Variants in NRG1 observed in about 807,000 individuals in gnomAD.
NRG1 encodes neuregulin 1, also known as pro-neuregulin-1, membrane-bound isoform.
In NRG1, 18 loss-of-function variants were observed where a neutral mutation model predicts 63.8. The ratio of observed to expected loss-of-function variants is 0.28; its 90% CI spans 0.19 to 0.42. The LOEUF (loss-of-function observed/expected upper bound fraction) is 0.42. Among genes scored for constraint, NRG1 ranks in the 10% least tolerant of loss-of-function variants. NRG1 has a pLI of 1.00. For missense variants in NRG1, 762 were observed against 814.7 expected (o/e 0.94, Z 0.79); for synonymous variants, 302 against 301.3 (o/e 1.00, Z -0.02).
At chr8:31,708,948 G>A (rs1224306786) in intron 1 of NRG1, among the ~76,000 whole-genome samples, 1 of 152,106 alleles carries the variant, frequency 6.6e-6, no homozygotes, top group African/African-American at 2.4e-5. Flanking sequence ...TTGACTGGAA[G>A]CCATACTGAT....
chr8:32,068,534 CTGGAGGAG>C (rs1374158011), intron 1 of NRG1, among the ~76,000 whole-genome samples: 1 of 152,102 alleles, frequency 6.6e-6, no homozygotes, highest in African/African-American at 2.4e-5. Context: ...AGCGGAGGGA[CTGGAGGAG>C]TGGAGGAGAG....
At chr8:31,648,456 A>C (rs1041178056) in intron 1 of NRG1, among the ~76,000 whole-genome samples, 9 of 152,096 alleles carry the variant, frequency 5.9e-5, no homozygotes, top group African/African-American at 2.2e-4. Context: ...TGTAGAGTTC[A>C]GCAGTATTCA....
intron 1 of NRG1, among the ~76,000 whole-genome samples, chr8:32,280,267 GCA>G (rs2129473130): frequency 6.6e-6 from 1 of 152,306 alleles, no homozygotes; most frequent in South Asian, 2.1e-4. Context: ...GAATACGCAC[GCA>G]CACTTTCTAA....
At chr8:31,999,549 G>A (rs865851415) in intron 1 of NRG1, among the ~76,000 whole-genome samples, 6 of 151,886 alleles carry the variant, frequency 4.0e-5, no homozygotes, top group African/African-American at 1.5e-4. Flanking sequence ...GAGGGATTGT[G>A]GCCTGTATGT....
intron 1 of NRG1, among the ~76,000 whole-genome samples, chr8:31,789,853 G>T (rs376145536): frequency 6.6e-6 from 1 of 151,996 alleles, no homozygotes; most frequent in Non-Finnish European, 1.5e-5. Context: ...TTCTTTATTA[G>T]CAAATCAACA....
At chr8:32,509,119 T>C (rs1401350520) in intron 1 of NRG1, among the ~76,000 whole-genome samples, 1 of 149,728 alleles carries the variant, frequency 6.7e-6, no homozygotes, top group Non-Finnish European at 1.5e-5. Context: ...ATTTTATTTT[T>C]TGCGACAGGG....
intron 1 of NRG1, among the ~76,000 whole-genome samples, chr8:32,254,885 T>G (rs561958947): frequency 6.6e-6 from 1 of 152,026 alleles, no homozygotes; most frequent in Admixed American, 6.6e-5. Flanking sequence ...GCTCCTTGTA[T>G]TTGGATGTGT....
At chr8:32,239,408 G>A (rs1586307412) in intron 1 of NRG1, among the ~76,000 whole-genome samples, 1 of 151,336 alleles carries the variant, frequency 6.6e-6, no homozygotes, top group South Asian at 2.1e-4. Flanking sequence ...AAAATGTTAA[G>A]CAATAAAACT....
chr8:32,466,083 G>A (rs1186708888), intron 1 of NRG1, among the ~76,000 whole-genome samples: 3 of 152,052 alleles, frequency 2.0e-5, no homozygotes, highest in Non-Finnish European at 2.9e-5. Context: ...TGGGCTGATC[G>A]CTTGAGCTCA....
At chr8:32,539,024 G>A (rs990002652) in intron 1 of NRG1, among the ~76,000 whole-genome samples, 63 of 152,250 alleles carry the variant, frequency 4.1e-4, no homozygotes, top group African/African-American at 1.4e-3. Context: ...AAAAGGAGAA[G>A]AAAATTCCAA....
chr8:32,016,711 C>T (rs1348233519), intron 1 of NRG1, among the ~76,000 whole-genome samples: 1 of 152,034 alleles, frequency 6.6e-6, no homozygotes, highest in African/African-American at 2.4e-5. Flanking sequence ...CATTTCCATT[C>T]CCAATTTAAA....
At position 31,854,162 on chromosome 8, in the gene NRG1, G is replaced by A. The variant is rs866004460; in HGVS notation, c.37+214731G>A. Reference sequence around the variant, plus strand: ...AGAGAGGATTCCCTCTTTTTCTATTGATTGGAATAGTTTCAGAAGGAATGG... The same window carrying A: ...AGAGAGGATTCCCTCTTTTTCTATTAATTGGAATAGTTTCAGAAGGAATGG... On this transcript the variant is annotated intron_variant, in intron 1 of 10. Coordinates refer to the NRG1 transcript ENST00000519301. 9.4e-4 allele frequency among the ~76,000 whole-genome samples: 143 copies of A among 151,906 alleles called. No homozygotes were observed. In the Middle Eastern group the frequency reaches 0.014, roughly 14 times the overall value.
At chr8:31,918,239 T>A (rs1833584066) in intron 1 of NRG1, among the ~76,000 whole-genome samples, 1 of 152,352 alleles carries the variant, frequency 6.6e-6, no homozygotes, top group Admixed American at 6.5e-5. Context: ...CAACAGTATG[T>A]TGAATAGTAG....
chr8:31,787,762 C>T lies in NRG1; in HGVS notation c.37+148331C>T, dbSNP rs372361107. Among the ~76,000 whole-genome samples, 9 of 152,266 alleles carry T rather than the reference C, an allele frequency of 5.9e-5. No homozygotes were observed. The South Asian group carries it at 1.5e-3, about 25-fold the overall frequency. ...GTACTTCTCTTGTTCAGGGCAGTCA[C>T]TTGTTTTAAGTAACATGTTTATCTT... On this transcript the variant is annotated intron_variant, in intron 1 of 10. Transcript: ENST00000519301.
intron 1 of NRG1, among the ~76,000 whole-genome samples, chr8:31,956,865 C>A (rs1189886407): frequency 6.6e-6 from 1 of 152,156 alleles, no homozygotes; most frequent in Admixed American, 6.5e-5. Flanking sequence ...ATCTGACATT[C>A]AAAACCCATA....
chr8:32,041,840 G>T (rs1288958021), intron 1 of NRG1, among the ~76,000 whole-genome samples: 1 of 152,152 alleles, frequency 6.6e-6, no homozygotes, highest in Non-Finnish European at 1.5e-5. Context: ...AAAACCTCAG[G>T]AGACCAACCT....
intron 1 of NRG1, among the ~76,000 whole-genome samples, chr8:32,401,180 T>C (rs1587389046): frequency 1.3e-5 from 2 of 152,158 alleles, no homozygotes; most frequent in African/African-American, 2.4e-5. Flanking sequence ...TCAGAAAATA[T>C]ACCTATAGGG....
At chr8:32,592,978 C>A (rs938897475) in intron 1 of NRG1, among the ~76,000 whole-genome samples, 1 of 152,008 alleles carries the variant, frequency 6.6e-6, no homozygotes, top group Admixed American at 6.6e-5. Context: ...ATATGGTATT[C>A]TTATAATACA....
At position 31,859,247 on chromosome 8, in the gene NRG1, C is replaced by T. The variant is rs555278050; in HGVS notation, c.37+219816C>T. Among the ~76,000 whole-genome samples the T allele has an allele frequency of 2.2e-4, 34 of 152,258 alleles. 1 individual carries two copies. The East Asian group carries it at 6.4e-3, about 29-fold the overall frequency. Reference sequence around the variant, plus strand: ...ATATATAAAATGTGTGTGTGTTAAACTAAGTGCCTTGAGTATATGAAGCTA... The same window carrying T: ...ATATATAAAATGTGTGTGTGTTAAATTAAGTGCCTTGAGTATATGAAGCTA... On this transcript the variant is annotated intron_variant, in intron 1 of 10. Coordinates refer to the NRG1 transcript ENST00000519301.
Sources: gnomAD v4.1 joint callset for allele counts (sites outside exome capture counted in the v4.1 genomes callset) on GRCh38, gnomAD v4.1.1 for gene constraint, MANE v1.5 for transcripts, NCBI Gene and HGNC (gene_info 2026-07-23, HGNC 2026-07-21) for gene names.